MTNAP1: variants seen among roughly 807,000 people sequenced by gnomAD.
MTNAP1 encodes the protein mitochondrial nucleoid associated protein 1, also known as mitochondrial nucleoid-associated protein 1.
At chr17:73,235,450 C>T in the MTNAP1 span, 7,564 of 1,548,762 alleles carry the variant, frequency 4.9e-3, 313 homozygotes, top group African/African-American at 0.092. Flanking sequence ...ATGTGCTTCT[C>T]ATAATCTCAC....
At chr17:73,240,107 T>C in the MTNAP1 span, among the ~76,000 whole-genome samples, 66 of 152,334 alleles carry the variant, frequency 4.3e-4, no homozygotes, top group African/African-American at 1.4e-3. Flanking sequence ...AATAATAAGA[T>C]ACAGTAACTT....
the MTNAP1 span, chr17:73,236,825 C>G: frequency 6.2e-7 from 1 of 1,614,024 alleles, no homozygotes; most frequent in Admixed American, 1.7e-5. Context: ...ACCAATCATG[C>G]TGCAGCTGCT....
At chr17:73,245,353 A>G in the MTNAP1 span, 1 of 1,373,156 alleles carries the variant, frequency 7.3e-7, no homozygotes, top group Non-Finnish European at 9.5e-7. Context: ...ATAATGATAC[A>G]GGAAGTAAAC....
chr17:73,235,966 A>G, the MTNAP1 span: 8 of 1,614,250 alleles, frequency 5.0e-6, no homozygotes, highest in Non-Finnish European at 6.8e-6. Context: ...ATCAGGAGAA[A>G]GTCGATGTAA....
chr17:73,234,425 C>T, the MTNAP1 span, among the ~76,000 whole-genome samples: 1 of 149,256 alleles, frequency 6.7e-6, no homozygotes, highest in Admixed American at 6.7e-5. Context: ...GGCGTGGTGT[C>T]TCACGCCTGT....
At chr17:73,242,039 T>A in the MTNAP1 span, among the ~76,000 whole-genome samples, 1 of 152,146 alleles carries the variant, frequency 6.6e-6, no homozygotes, top group Non-Finnish European at 1.5e-5. Context: ...TTTTCAGGGG[T>A]CCCTTGGCCT....
chr17:73,232,724 A>C, the MTNAP1 span: 1 of 174,908 alleles, frequency 5.7e-6, no homozygotes, highest in Non-Finnish European at 1.2e-5. Context: ...CGAGGTGAGG[A>C]CGGTGCTCTG....
At chr17:73,245,747 T>C in the MTNAP1 span, 1 of 982,928 alleles carries the variant, frequency 1.0e-6, no homozygotes. Context: ...GAAAAAAAGC[T>C]TACAAATATT....
chr17:73,235,972 T>C, the MTNAP1 span: 2 of 1,614,240 alleles, frequency 1.2e-6, no homozygotes, highest in Non-Finnish European at 1.7e-6. Flanking sequence ...AGAAAGTCGA[T>C]GTAATCCTTC....
chr17:73,235,809 T>C, the MTNAP1 span: 3 of 1,614,150 alleles, frequency 1.9e-6, no homozygotes, highest in Non-Finnish European at 2.5e-6. Context: ...CAAAGGCAGA[T>C]AAAGACATCA....
chr17:73,247,370 G>A, the MTNAP1 span: 6 of 1,609,718 alleles, frequency 3.7e-6, no homozygotes, highest in African/African-American at 2.7e-5. Context: ...AGAAGCCTTC[G>A]TGACTTCTCT....
the MTNAP1 span, chr17:73,235,725 G>T: frequency 6.2e-7 from 1 of 1,614,142 alleles, no homozygotes; most frequent in Non-Finnish European, 8.5e-7. Context: ...ATTCTAAGTT[G>T]GTGGTGGACA....
At chr17:73,248,310 G>A in the MTNAP1 span, 5 of 604,888 alleles carry the variant, frequency 8.3e-6, no homozygotes, top group South Asian at 8.0e-5. Context: ...CAGGTGTGAG[G>A]CGGGGTAACT....
chr17:73,236,734 G>A, the MTNAP1 span: 1 of 1,614,176 alleles, frequency 6.2e-7, no homozygotes, highest in Middle Eastern at 1.6e-4. Context: ...GCCCAAATCT[G>A]ATAGTCAGTT....
the MTNAP1 span, chr17:73,242,194 G>C: frequency 8.0e-7 from 1 of 1,245,790 alleles, no homozygotes. Flanking sequence ...TGTTAGGGAA[G>C]GGGGTACGTT....
At chr17:73,245,603 G>T in the MTNAP1 span, 2 of 985,384 alleles carry the variant, frequency 2.0e-6, no homozygotes, top group South Asian at 9.4e-5. Context: ...ATACAGGAAA[G>T]TATCTGAATT....
At chr17:73,244,285 G>A in the MTNAP1 span, among the ~76,000 whole-genome samples, 757 of 151,994 alleles carry the variant, frequency 5.0e-3, 13 homozygotes, top group East Asian at 0.024. Flanking sequence ...TTTTGGGGCC[G>A]GGCGCGGTGG....
At chr17:73,247,231 G>T in the MTNAP1 span, 1 of 1,611,634 alleles carries the variant, frequency 6.2e-7, no homozygotes, top group African/African-American at 1.3e-5. Flanking sequence ...TTACTATCTG[G>T]CCTTTACAGA....
At chr17:73,233,872 CA>C in the MTNAP1 span, among the ~76,000 whole-genome samples, 41 of 146,972 alleles carry the variant, frequency 2.8e-4, no homozygotes, top group Middle Eastern at 3.7e-3. Context: ...GACTCCATCT[CA>C]AAAAAAAAAA....
Sources: allele counts gnomAD v4.1 joint callset (sites outside exome capture counted in the v4.1 genomes callset), GRCh38; gene constraint gnomAD v4.1.1; transcripts MANE v1.5; gene names NCBI Gene and HGNC (gene_info 2026-07-23, HGNC 2026-07-21).